Variants in CAPN14 observed in about 807,000 individuals in gnomAD.
CAPN14 encodes calpain-14.
CAPN14 carries 94 observed loss-of-function variants against 101.3 expected under a neutral mutation model. The observed-to-expected ratio is 0.93, with a 90% CI of 0.79 to 1.10. CAPN14 has a LOEUF of 1.10. Ranked by LOEUF, CAPN14 falls within the 50% of genes least tolerant of loss-of-function variation. The pLI is 0.00. For missense variants in CAPN14, 837 were observed against 828.4 expected, an observed-to-expected ratio of 1.01 and a Z score of -0.13; for synonymous variants, 338 against 317.9, an observed-to-expected ratio of 1.06 and a Z score of -0.67.
intron 19 of CAPN14, 52 bp from the exon 20 acceptor site, chr2:31,177,194 C>A: frequency 7.8e-7 from 1 of 1,279,662 alleles, no homozygotes; most frequent in South Asian, 1.3e-5. Flanking sequence ...GCACCCAGCT[C>A]CCCTCCTGCT....
At chr2:31,212,376 A>T (rs1682448038) in intron 1 of CAPN14, among the ~76,000 whole-genome samples, 1 of 152,092 alleles carries the variant, frequency 6.6e-6, no homozygotes, top group East Asian at 1.9e-4. Flanking sequence ...ATCATGCCTC[A>T]ATATAGTTGA....
chr2:31,187,635 A>G, intron 15 of CAPN14, 123 bp downstream of exon 15: 1 of 784,210 alleles, frequency 1.3e-6, no homozygotes, highest in African/African-American at 1.8e-5. Context: ...TTTGGGCAAT[A>G]GGTAGCCTTA....
chr2:31,199,532 C>G lies in CAPN14; in HGVS notation c.727G>C (p.Glu243Gln), dbSNP rs1187384817. 17 of 1,546,826 alleles carry G rather than the reference C, an allele frequency of 1.1e-5. No individual in the cohort carries two copies. Among genetic ancestry groups the G allele is most frequent in the African/African-American group, 1.4e-5 (1 of 73,012 alleles). The change falls in exon 7 of 22, where the codon GAG (glutamate) becomes CAG (glutamine). Residue 243 changes from glutamate (E) to glutamine (Q), a missense_variant and splice_region_variant. Transcript: ENST00000403897. The part of the protein sequence containing the change: ...TLIGCQTHSG[E>Q]KILENGLVEG... ...ACCAGCCCATTCTCCAGAATCTTCT[C>G]CTGCAGAGACAAGAGAGGTCCTGAT... is the stretch of plus-strand genomic sequence containing the variant.
intron 21 of CAPN14, among the ~76,000 whole-genome samples, chr2:31,175,988 C>T (rs900347787): frequency 6.6e-6 from 1 of 152,202 alleles, no homozygotes; most frequent in African/African-American, 2.4e-5. Context: ...AGGCATATCA[C>T]TTCATTCATT....
intron 8 of CAPN14, among the ~76,000 whole-genome samples, chr2:31,195,276 G>A (rs1428873709): frequency 6.6e-6 from 1 of 152,200 alleles, no homozygotes; most frequent in East Asian, 1.9e-4. Flanking sequence ...TGGACCGTAA[G>A]CAGGACACAG....
chr2:31,216,580 C>T (rs1157027926), intron 1 of CAPN14, among the ~76,000 whole-genome samples: 1 of 152,112 alleles, frequency 6.6e-6, no homozygotes, highest in Non-Finnish European at 1.5e-5. Flanking sequence ...CAGTACCTAA[C>T]TCATCCAAGA....
upstream of CAPN14, among the ~76,000 whole-genome samples, chr2:31,221,059 T>G (rs949158205): frequency 6.6e-6 from 1 of 152,176 alleles, no homozygotes. Flanking sequence ...ATCGCCAAGG[T>G]TTCAAAGTAA....
intron 5 of CAPN14, among the ~76,000 whole-genome samples, 157 bp downstream of exon 5, chr2:31,201,705 C>G (rs1214086016): frequency 6.6e-6 from 1 of 152,136 alleles, no homozygotes; most frequent in Non-Finnish European, 1.5e-5. Flanking sequence ...GAGGTGACCC[C>G]TACATAAAAG....
intron 1 of CAPN14, among the ~76,000 whole-genome samples, chr2:31,232,906 T>C (rs1474104160): frequency 6.6e-6 from 1 of 152,180 alleles, no homozygotes; most frequent in Non-Finnish European, 1.5e-5. Flanking sequence ...GGGAGGGTAG[T>C]GGGAGTCATT....
At chr2:31,221,909 A>T (rs1018919857), upstream of CAPN14, among the ~76,000 whole-genome samples, 1 of 152,218 alleles carries the variant, frequency 6.6e-6, no homozygotes, top group African/African-American at 2.4e-5. Flanking sequence ...ACAGTTGCCA[A>T]TGTAGCAGCC....
At chr2:31,204,389 G>A (rs1052237798) in intron 2 of CAPN14, among the ~76,000 whole-genome samples, 1 of 152,170 alleles carries the variant, frequency 6.6e-6, no homozygotes, top group Non-Finnish European at 1.5e-5. Flanking sequence ...TGATAAGAGT[G>A]TCCTTCGTAT....
chr2:31,193,003 G>A lies in CAPN14; in HGVS notation c.1114+128C>T, dbSNP rs139494154. ...TTATAGCCCAGGGCCCCAACACACA[G>A]TGAGGCAAGCAGAGCCTCCTCCCCA... On this transcript the variant is annotated intron_variant, in intron 10 of 21. Coordinates refer to ENST00000403897, the MANE Select transcript of CAPN14 (RefSeq NM_001145122.2). 6.2e-4 allele frequency: 587 copies of A among 943,664 alleles called. 9 individuals carry two copies. In the East Asian group the frequency reaches 0.014, roughly 23 times the overall value. The allele number at this position is 943,664 out of a possible 1,614,324, so 58.5% of individuals were successfully genotyped here.
rs368305645 is a variant in CAPN14, at chr2:31,202,141, C to A, written c.407G>T (p.Arg136Leu). 6 of 1,551,804 alleles carry A rather than the reference C, an allele frequency of 3.9e-6. No homozygotes were observed. Among genetic ancestry groups the A allele is most frequent in the Non-Finnish European group, 5.2e-6 (6 of 1,146,942 alleles). The change falls in exon 4 of 22, where the codon CGG (arginine) becomes CTG (leucine). Residue 136 changes from arginine to leucine, a missense_variant. Coordinates refer to ENST00000403897, the MANE Select transcript of CAPN14 (RefSeq NM_001145122.2). ...ACCCGGGAAGACACTCACCCAGAAC[C>A]GGAAGATGCCAGCATACTTCTCAGT... is the stretch of plus-strand genomic sequence containing the variant. ...SFTEKYAGIFRFWFWHYGNWV... is the reference protein window; with the variant it reads ...SFTEKYAGIFLFWFWHYGNWV...
intron 16 of CAPN14, among the ~76,000 whole-genome samples, chr2:31,181,398 T>TTTTCTTTCTTTCTTTCTTTCTTTCTTTC (rs538044256): frequency 5.2e-5 from 7 of 134,980 alleles, no homozygotes; most frequent in Admixed American, 7.4e-5. Context: ...TTCTTTCTTT[T>TTTTCTTTCTTTCTTTCTTTCTTTCTTTC]TTTCTTTCTT....
upstream of CAPN14, among the ~76,000 whole-genome samples, chr2:31,218,384 T>C (rs1682747463): frequency 6.6e-6 from 1 of 152,036 alleles, no homozygotes; most frequent in Admixed American, 6.6e-5. Flanking sequence ...CAGGAGGTGC[T>C]CAATATGTGT....
At position 31,189,329 on chromosome 2, in the gene CAPN14, C is replaced by T; in HGVS notation, c.1437G>A (p.Glu479=). ...GGACGAACTCTGACTTCTGGTGGGC[C>T]TCCAATATGCAGGGCACGATGAGGT... ...GTYLIVPCIL[E]AHQKSEFVLR... The change falls in exon 13 of 22, where the codon GAG becomes GAA. Residue 479 remains glutamate (E), a synonymous_variant. Transcript: ENST00000403897. 1 of 1,551,762 alleles carries T rather than the reference C, an allele frequency of 6.4e-7. No homozygotes were observed. Among genetic ancestry groups the T allele is most frequent in the Non-Finnish European group, 8.7e-7 (1 of 1,147,020 alleles).
At chr2:31,213,728 G>T (rs1682509851) in intron 1 of CAPN14, among the ~76,000 whole-genome samples, 1 of 152,182 alleles carries the variant, frequency 6.6e-6, no homozygotes, top group Non-Finnish European at 1.5e-5. Flanking sequence ...ACTTGCAAAT[G>T]TGGCCTGCAG....
chr2:31,193,409 G>A, intron 9 of CAPN14, 115 bp from the exon 10 acceptor site: 1 of 1,036,558 alleles, frequency 9.6e-7, no homozygotes, highest in South Asian at 1.6e-5. Context: ...CATGGACAAA[G>A]ACACCAGCTC....
chr2:31,186,456 C>T lies in CAPN14; in HGVS notation c.1617G>A (p.Gln539=), dbSNP rs1558615824. The change falls in exon 16 of 22, where the codon CAG becomes CAA. Residue 539 remains glutamine, a synonymous_variant. Coordinates refer to ENST00000403897, the MANE Select transcript of CAPN14 (RefSeq NM_001145122.2). ...KHPEINAVQL[Q]NLLNQMTWSS... ...ACCAGGTCATCTGGTTCAGGAGGTT[C>T]TGAAGTTGAACTGCATTAATCTCTG... is the stretch of plus-strand genomic sequence containing the variant. 11 of 1,549,884 alleles carry T rather than the reference C, an allele frequency of 7.1e-6. No individual in the cohort carries two copies. In the Admixed American group the frequency reaches 2.2e-4, roughly 31 times the overall value.
Sources: gnomAD v4.1 joint callset for allele counts (sites outside exome capture counted in the v4.1 genomes callset) on GRCh38, gnomAD v4.1.1 for gene constraint, MANE v1.5 for transcripts, NCBI Gene and HGNC (gene_info 2026-07-23, HGNC 2026-07-21) for gene names.